Variants in TMEM50B observed in about 807,000 individuals in gnomAD.
TMEM50B encodes the protein transmembrane protein 50B.
Under a neutral mutation model 23.4 loss-of-function variants are expected in TMEM50B, and 14 were observed. The ratio of observed to expected loss-of-function variants is 0.60; its 90% CI spans 0.39 to 0.93. TMEM50B has a LOEUF of 0.93. Among genes scored for constraint, TMEM50B ranks in the 40% least tolerant of loss-of-function variants. TMEM50B has a pLI of 0.00. For synonymous variants in TMEM50B, 64 were observed against 62.3 expected (o/e 1.03, Z -0.13); for missense variants, 159 against 193.0 (o/e 0.82, Z 1.04).
rs61466059 is a variant in TMEM50B, at chr21:33,460,667, T to TAA, written c.281-164_281-163dup. 2.2e-3 allele frequency among the ~76,000 whole-genome samples: 330 copies of TAA among 148,490 alleles called. 1 individual carries two copies. The highest frequency in any genetic ancestry group is 6.3e-3 in the African/African-American group (256 of 40,570). ...GCTGTAAGTTAAATGAATGATGATTTAAAAAAAAAACACTAAAAGAAGTTA... is the reference window on the plus strand; with the variant it reads ...GCTGTAAGTTAAATGAATGATGATTTAAAAAAAAAAAACACTAAAAGAAGTTA... On this transcript the variant is annotated intron_variant, in intron 4 of 6. Coordinates refer to ENST00000542230, the MANE Select transcript of TMEM50B (RefSeq NM_006134.7).
chr21:33,474,893 C>A (rs941171312), intron 1 of TMEM50B, among the ~76,000 whole-genome samples: 1 of 126,050 alleles, frequency 7.9e-6, no homozygotes, highest in Non-Finnish European at 1.7e-5. Context: ...ACAGAGGCTA[C>A]CTCTGGAAGA....
Position 33,468,713 on chromosome 21 carries a change from T to C in TMEM50B, c.99+74A>G, listed in dbSNP as rs80192116. The C allele has an allele frequency of 5.0e-4, 604 of 1,207,684 alleles. 6 individuals carry two copies. In the East Asian group the frequency reaches 0.013, roughly 25 times the overall value. The allele number at this position is 1,207,684 out of a possible 1,614,324, so 74.8% of individuals were successfully genotyped here. On this transcript the variant is annotated intron_variant, in intron 2 of 6. Transcript: ENST00000542230. ...AATAGTTCTGGAAAGCCATTCTCAG[T>C]TCAAAGGAACCGGCATTAATTTCCA...
At chr21:33,446,919 G>A (rs1481462615), downstream of TMEM50B, 1 of 152,088 alleles carries the variant, frequency 6.6e-6, no homozygotes, top group Non-Finnish European at 1.5e-5. Context: ...GAGGCGGGTG[G>A]ATCACCTGGG....
intron 7 of TMEM50B, among the ~76,000 whole-genome samples, chr21:33,441,439 G>GA (rs1434740074): frequency 6.6e-6 from 1 of 151,960 alleles, no homozygotes; most frequent in African/African-American, 2.4e-5. Flanking sequence ...GTTCTTAAAG[G>GA]AAAAAATGAG....
chr21:33,478,468 A>T (rs1348362045), intron 1 of TMEM50B, among the ~76,000 whole-genome samples: 1 of 152,150 alleles, frequency 6.6e-6, no homozygotes, highest in Non-Finnish European at 1.5e-5. Flanking sequence ...CTCTGTCTCA[A>T]AAAAAACAGA....
intron 4 of TMEM50B, among the ~76,000 whole-genome samples, chr21:33,460,803 A>G: frequency 6.6e-6 from 1 of 152,236 alleles, no homozygotes; most frequent in East Asian, 1.9e-4. Flanking sequence ...TAATTGCTCT[A>G]TTAAAAGTAG....
chr21:33,476,982 C>T (rs1256884647), intron 1 of TMEM50B, among the ~76,000 whole-genome samples: 2 of 151,912 alleles, frequency 1.3e-5, no homozygotes, highest in Non-Finnish European at 2.9e-5. Context: ...ATCCAAACAA[C>T]GGTATACCAT....
At chr21:33,453,027 A>G (rs2084136382) in intron 6 of TMEM50B, among the ~76,000 whole-genome samples, 1 of 152,238 alleles carries the variant, frequency 6.6e-6, no homozygotes, top group South Asian at 2.1e-4. Context: ...GGCATAGATT[A>G]GACATTGCAG....
In TMEM50B at chr21:33,455,769, G is replaced by C; in HGVS notation, c.389C>G (p.Pro130Arg). 6.2e-7 allele frequency: 1 copy of C among 1,613,704 alleles called. No individual in the cohort carries two copies. The highest frequency in any genetic ancestry group is 8.5e-7 in the Non-Finnish European group (1 of 1,179,794). Reference sequence around the variant, plus strand: ...ATTTTGAAAAAACACAGCTAGTCCCGGATAAACATCAGTATCTACATACAC... The same window carrying C: ...ATTTTGAAAAAACACAGCTAGTCCCCGATAAACATCAGTATCTACATACAC... ...AYVTQNTDVY[P>R]GLAVFFQNAL... The change falls in exon 6 of 7, where the codon CCG becomes CGG. Residue 130 changes from proline to arginine, a missense_variant. By Grantham distance (103) the Pro-to-Arg change is moderately radical. Transcript: ENST00000542230.
downstream of TMEM50B, among the ~76,000 whole-genome samples, chr21:33,445,083 C>CAA (rs1219767078): frequency 4.3e-3 from 280 of 64,910 alleles, 3 homozygotes; most frequent in African/African-American, 0.012. Flanking sequence ...GACCCAGTCT[C>CAA]AAAAAAAAAA....
chr21:33,446,936 A>T (rs1458010009), downstream of TMEM50B: 2 of 152,176 alleles, frequency 1.3e-5, no homozygotes, highest in Non-Finnish European at 2.9e-5. Context: ...TGGGGTCAGG[A>T]ATTTGAGACC....
At chr21:33,447,681 T>TATACAC (rs1320796429), downstream of TMEM50B, among the ~76,000 whole-genome samples, 2 of 132,130 alleles carry the variant, frequency 1.5e-5, no homozygotes, top group Middle Eastern at 3.8e-3. Flanking sequence ...TGTATAGAAA[T>TATACAC]ACACACACAC....
At chr21:33,475,440 T>C (rs1052560831) in intron 1 of TMEM50B, among the ~76,000 whole-genome samples, 3 of 152,014 alleles carry the variant, frequency 2.0e-5, no homozygotes, top group Admixed American at 6.6e-5. Context: ...TCCCGCCTCC[T>C]GGATTCAAGC....
chr21:33,468,736 C>T (rs759436477), intron 2 of TMEM50B, 51 bp downstream of exon 2: 1 of 1,461,578 alleles, frequency 6.8e-7, no homozygotes, highest in Admixed American at 1.9e-5. Flanking sequence ...GCATTAATTT[C>T]CAGGGCAAAA....
At chr21:33,437,003 T>G in intron 8 of TMEM50B, 1 of 1,610,956 alleles carries the variant, frequency 6.2e-7, no homozygotes, top group Admixed American at 1.7e-5. Flanking sequence ...CTGGAAGAGA[T>G]CAAGCCATCG....
chr21:33,432,706 CTT>C (rs752966235), exon 9 of TMEM50B: 25 of 1,614,056 alleles, frequency 1.5e-5, no homozygotes, highest in Non-Finnish European at 3.4e-6. Flanking sequence ...TTCGTGTCCT[CTT>C]TTTAGCCTCC....
intron 8 of TMEM50B, among the ~76,000 whole-genome samples, chr21:33,438,446 A>C (rs2083978076): frequency 6.6e-6 from 1 of 152,216 alleles, no homozygotes; most frequent in South Asian, 2.1e-4. Context: ...CTGAGCACGC[A>C]AGTCATCTGA....
At chr21:33,445,083 C>CAAAAAAAAA (rs1219767078), downstream of TMEM50B, among the ~76,000 whole-genome samples, 1 of 64,970 alleles carries the variant, frequency 1.5e-5, no homozygotes, top group Non-Finnish European at 3.4e-5. Context: ...GACCCAGTCT[C>CAAAAAAAAA]AAAAAAAAAA....
exon 9 of TMEM50B, chr21:33,432,689 G>C: frequency 6.2e-7 from 1 of 1,612,868 alleles, no homozygotes; most frequent in Non-Finnish European, 8.5e-7. Flanking sequence ...AGATCATTCT[G>C]TTCACTTTCG....
Sources: allele counts gnomAD v4.1 joint callset (sites outside exome capture counted in the v4.1 genomes callset), GRCh38; gene constraint gnomAD v4.1.1; transcripts MANE v1.5; gene names NCBI Gene and HGNC (gene_info 2026-07-23, HGNC 2026-07-21).